Variants in SPIN1 observed in about 807,000 individuals in gnomAD.
The protein encoded by SPIN1 is spindlin 1, also known as spindlin-1.
Under a neutral mutation model 26.0 loss-of-function variants are expected in SPIN1, and 3 were observed. The observed-to-expected ratio is 0.12, with a 90% CI of 0.05 to 0.30. The LOEUF (loss-of-function observed/expected upper bound fraction) is 0.30. Among genes scored for constraint, SPIN1 ranks in the 10% least tolerant of loss-of-function variants. The pLI, the probability that SPIN1 is intolerant of heterozygous loss-of-function variation, is 1.00. For synonymous variants in SPIN1, 101 were observed against 116.5 expected (o/e 0.87, Z 0.86); for missense variants, 126 against 333.4 (o/e 0.38, Z 4.84).
At chr9:88,443,254 C>T (rs780174491) in intron 2 of SPIN1, among the ~76,000 whole-genome samples, 10 of 151,858 alleles carry the variant, frequency 6.6e-5, no homozygotes, top group Admixed American at 1.3e-4. Flanking sequence ...TTGGGTATTC[C>T]GGGGTTTTTC....
Position 88,453,684 on chromosome 9 carries a change from G to A in SPIN1, c.101+4695G>A, listed in dbSNP as rs111317601. Among the ~76,000 whole-genome samples the A allele has an allele frequency of 7.8e-4, 119 of 152,144 alleles. 1 individual carries two copies. Among genetic ancestry groups the A allele is most frequent in the African/African-American group, 2.8e-3 (116 of 41,508 alleles). On this transcript the variant is annotated intron_variant, in intron 3 of 5. Coordinates refer to ENST00000375859, the MANE Select transcript of SPIN1 (RefSeq NM_006717.3). ...TGGGATTACAGGCATGCGCCACCAC[G>A]CCCGACTGATTTTGTATTTTTGGTA...
chr9:88,473,022 T>C (rs942059007), intron 5 of SPIN1, among the ~76,000 whole-genome samples: 5 of 152,204 alleles, frequency 3.3e-5, no homozygotes, highest in African/African-American at 1.2e-4. Flanking sequence ...TTTAAAAAAA[T>C]TCTTCCTATG....
chr9:88,406,520 C>G (rs977175581), intron 1 of SPIN1, among the ~76,000 whole-genome samples: 4 of 152,026 alleles, frequency 2.6e-5, no homozygotes, highest in Non-Finnish European at 5.9e-5. Flanking sequence ...TCTCCATCTT[C>G]TGACCTTGTA....
intron 1 of SPIN1, among the ~76,000 whole-genome samples, chr9:88,424,565 G>A (rs1827731404): frequency 6.6e-6 from 1 of 152,172 alleles, no homozygotes; most frequent in African/African-American, 2.4e-5. Context: ...AGTCCCTGAG[G>A]GAGATAATGC....
rs890852222 is a variant in SPIN1, at chr9:88,389,684, C to G, written c.-159+1146C>G. 2.0e-5 allele frequency among the ~76,000 whole-genome samples: 3 copies of G among 152,258 alleles called. No individual in the cohort carries two copies. In the East Asian group the frequency reaches 5.8e-4, roughly 29 times the overall value. On this transcript the variant is annotated intron_variant, in intron 1 of 5. Transcript: ENST00000375859. ...CATGACTTGTGCCAGAGACGACACA[C>G]GTACCAAAACGCGATTACCTGTCTT...
chr9:88,444,500 C>T (rs1319826043), intron 2 of SPIN1, among the ~76,000 whole-genome samples: 4 of 152,024 alleles, frequency 2.6e-5, no homozygotes, highest in Admixed American at 1.3e-4. Context: ...GCCTCAGCCT[C>T]CCAAAGTGCT....
At chr9:88,397,943 C>T (rs766114591) in intron 1 of SPIN1, among the ~76,000 whole-genome samples, 7 of 151,298 alleles carry the variant, frequency 4.6e-5, no homozygotes, top group Non-Finnish European at 1.0e-4. Flanking sequence ...TTTTTTGAGA[C>T]GAGGTCTCAC....
intron 2 of SPIN1, among the ~76,000 whole-genome samples, chr9:88,429,959 A>C (rs934242343): frequency 7.2e-5 from 11 of 152,228 alleles, no homozygotes; most frequent in Admixed American, 6.5e-4. Context: ...TATATATTTC[A>C]CAGTATTACA....
intron 2 of SPIN1, among the ~76,000 whole-genome samples, chr9:88,432,174 C>T (rs1472280329): frequency 4.8e-5 from 5 of 104,700 alleles, no homozygotes; most frequent in African/African-American, 1.1e-4. Context: ...CCCCTGTGCC[C>T]GTCCCGCCCC....
chr9:88,407,197 G>A (rs555304131), intron 1 of SPIN1, among the ~76,000 whole-genome samples: 19 of 150,866 alleles, frequency 1.3e-4, no homozygotes, highest in Non-Finnish European at 2.7e-4. Flanking sequence ...GAGTGCAGTG[G>A]CGTGATCTTG....
intron 1 of SPIN1, among the ~76,000 whole-genome samples, chr9:88,404,926 A>AC (rs1457020462): frequency 6.5e-4 from 70 of 107,614 alleles, no homozygotes; most frequent in African/African-American, 3.0e-3. Flanking sequence ...AAAAAAAAAA[A>AC]AAACAAAAAA....
chr9:88,421,866 AT>A lies in SPIN1; in HGVS notation c.-158-4506del, dbSNP rs926648106. Among the ~76,000 whole-genome samples, 245 of 149,844 alleles carry A rather than the reference AT, an allele frequency of 1.6e-3. 2 individuals are homozygous for A. The highest frequency in any genetic ancestry group is 5.3e-3 in the African/African-American group (218 of 40,816). On this transcript the variant is annotated intron_variant, in intron 1 of 5. Coordinates refer to ENST00000375859, the MANE Select transcript of SPIN1 (RefSeq NM_006717.3). ...AAATTCGATCTAAAAGCTTGACTAG[AT>A]TTTTTTTTTAATATATTTTATATTG... is the stretch of plus-strand genomic sequence containing the variant.
chr9:88,434,337 TA>T (rs1827951637), intron 2 of SPIN1, among the ~76,000 whole-genome samples: 1 of 117,756 alleles, frequency 8.5e-6, no homozygotes, highest in Non-Finnish European at 1.7e-5. Flanking sequence ...TTACAAATTA[TA>T]AAATAGTTTA....
intron 2 of SPIN1, among the ~76,000 whole-genome samples, chr9:88,431,470 A>G (rs919748072): frequency 2.6e-5 from 4 of 151,134 alleles, no homozygotes; most frequent in African/African-American, 9.7e-5. Flanking sequence ...TTGTATTTTT[A>G]GTAGAGACGG....
Position 88,448,963 on chromosome 9 carries a change from CATG to C in SPIN1, c.80_82del (p.Met27del), listed in dbSNP as rs756726818. On this transcript the variant is annotated inframe_deletion, in exon 3 of 6. Coordinates refer to ENST00000375859, the MANE Select transcript of SPIN1 (RefSeq NM_006717.3). ...CAGGCCATGCTGGAGTATCTGCCAA[CATG>C]ATGAAGAAGAGGACATCCCACAAGT... is the stretch of plus-strand genomic sequence containing the variant. 1 of 1,612,846 alleles carries C rather than the reference CATG, an allele frequency of 6.2e-7. No homozygotes were observed. The highest frequency in any genetic ancestry group is 2.2e-5 in the East Asian group (1 of 44,850).
At chr9:88,471,672 A>AG (rs1428904963) in intron 5 of SPIN1, among the ~76,000 whole-genome samples, 2 of 151,328 alleles carry the variant, frequency 1.3e-5, no homozygotes, top group Non-Finnish European at 3.0e-5. Context: ...AAAAAAAAAA[A>AG]AAAAAAAGAA....
chr9:88,410,162 A>AGTGTGTGTGTGTGT (rs138037814), intron 1 of SPIN1, among the ~76,000 whole-genome samples: 48 of 132,998 alleles, frequency 3.6e-4, no homozygotes, highest in Admixed American at 7.4e-4. Context: ...GCATATATTT[A>AGTGTGTGTGTGTGT]GTGTGTGTGT....
intron 1 of SPIN1, among the ~76,000 whole-genome samples, chr9:88,422,064 T>C (rs1446013559): frequency 1.3e-5 from 2 of 152,186 alleles, no homozygotes; most frequent in Non-Finnish European, 2.9e-5. Flanking sequence ...GATTGCTCCA[T>C]TGTAAAGCAG....
At chr9:88,430,699 T>C (rs1254051564) in intron 2 of SPIN1, among the ~76,000 whole-genome samples, 1 of 152,294 alleles carries the variant, frequency 6.6e-6, no homozygotes, top group South Asian at 2.1e-4. Context: ...ATAACTTACG[T>C]TTATCTGTGA....
Sources: gnomAD v4.1 joint callset for allele counts (sites outside exome capture counted in the v4.1 genomes callset) on GRCh38, gnomAD v4.1.1 for gene constraint, MANE v1.5 for transcripts, NCBI Gene and HGNC (gene_info 2026-07-23, HGNC 2026-07-21) for gene names.